The following GNAQ variants were observed in gnomAD, a reference collection of about 807,000 sequenced individuals.
The protein encoded by GNAQ is G protein subunit alpha q.
A neutral mutation model predicts 43.9 loss-of-function variants in GNAQ; 8 were observed. That is an observed-to-expected ratio of 0.18 (90% CI 0.11 to 0.33). The LOEUF (loss-of-function observed/expected upper bound fraction) is 0.33. GNAQ is among the 10% of genes least tolerant of loss of function. GNAQ has a pLI of 1.00. For synonymous variants in GNAQ, 155 were observed against 170.7 expected, an observed-to-expected ratio of 0.91 and a Z score of 0.71; for missense variants, 158 against 450.8, an observed-to-expected ratio of 0.35 and a Z score of 5.88.
intron 5 of GNAQ, among the ~76,000 whole-genome samples, chr9:77,771,984 A>G (rs1157417862): frequency 6.6e-6 from 1 of 152,116 alleles, no homozygotes; most frequent in Non-Finnish European, 1.5e-5. Context: ...CTCTGCATTC[A>G]CCCTTCCGCC....
At chr9:77,911,675 G>A (rs914242135) in intron 2 of GNAQ, among the ~76,000 whole-genome samples, 2 of 152,070 alleles carry the variant, frequency 1.3e-5, no homozygotes, top group Non-Finnish European at 1.5e-5. Flanking sequence ...AAACTCGAAG[G>A]GATTCTGATG....
chr9:77,926,382 A>G (rs1026242580), intron 1 of GNAQ, among the ~76,000 whole-genome samples: 1 of 152,192 alleles, frequency 6.6e-6, no homozygotes, highest in Non-Finnish European at 1.5e-5. Context: ...GAAAACTGTA[A>G]GAGACTTCAC....
At position 77,926,627 on chromosome 9, in the gene GNAQ, A is replaced by G. The variant is rs147971892; in HGVS notation, c.137-4282T>C. 7.0e-3 allele frequency among the ~76,000 whole-genome samples: 1,064 copies of G among 152,302 alleles called. 18 individuals are homozygous for G. The highest frequency in any genetic ancestry group is 0.024 in the African/African-American group (987 of 41,562). On this transcript the variant is annotated intron_variant, in intron 1 of 6. Transcript: ENST00000286548. ...TAAGGATCTCATTTTTGCTAATTTAAATATATCTCCAATCAAGTCATTTAA... is the reference window on the plus strand; with the variant it reads ...TAAGGATCTCATTTTTGCTAATTTAGATATATCTCCAATCAAGTCATTTAA...
At chr9:77,891,210 T>C (rs780096687) in intron 2 of GNAQ, among the ~76,000 whole-genome samples, 1 of 152,166 alleles carries the variant, frequency 6.6e-6, no homozygotes, top group Non-Finnish European at 1.5e-5. Context: ...CTCATACATA[T>C]TCTCATCTAA....
chr9:77,761,209 A>G lies in GNAQ; in HGVS notation c.736-32542T>C, dbSNP rs1267832607. Among the ~76,000 whole-genome samples the G allele has an allele frequency of 3.4e-4, 45 of 130,492 alleles. No individual in the cohort carries two copies. In the Middle Eastern group the frequency reaches 0.018, roughly 53 times the overall value. The allele number at this position is 130,492 out of a possible 152,430, so 85.6% of individuals were successfully genotyped here. A position where few individuals can be genotyped will look rare whatever the true frequency, so the allele number is the denominator to read the frequency against. ...CGGCCAGTGAGGGGCGCCTCTGCCC[A>G]GCTGCCCCTACTGGGAAGTGAGGAG... is the stretch of plus-strand genomic sequence containing the variant. On this transcript the variant is annotated intron_variant, in intron 5 of 6. Coordinates refer to ENST00000286548, the MANE Select transcript of GNAQ (RefSeq NM_002072.5).
At chr9:77,863,710 C>G (rs1486105584) in intron 2 of GNAQ, among the ~76,000 whole-genome samples, 2 of 152,104 alleles carry the variant, frequency 1.3e-5, no homozygotes, top group Non-Finnish European at 2.9e-5. Flanking sequence ...AATGGACTTA[C>G]AGTTCCACGT....
chr9:77,946,588 C>T (rs1248705522), intron 1 of GNAQ, among the ~76,000 whole-genome samples: 3 of 152,148 alleles, frequency 2.0e-5, no homozygotes, highest in African/African-American at 4.8e-5. Flanking sequence ...CCACTGACTG[C>T]TGGAAAAACC....
At chr9:77,848,687 G>T (rs1036619478) in intron 2 of GNAQ, among the ~76,000 whole-genome samples, 20 of 152,214 alleles carry the variant, frequency 1.3e-4, no homozygotes, top group African/African-American at 4.3e-4. Flanking sequence ...CTGAGCCTTT[G>T]CCCTTCTGAG....
At chr9:78,018,946 T>C (rs1823871623) in intron 1 of GNAQ, among the ~76,000 whole-genome samples, 1 of 152,174 alleles carries the variant, frequency 6.6e-6, no homozygotes, top group Non-Finnish European at 1.5e-5. Flanking sequence ...CTCCAGGGGT[T>C]TAGAAACATC....
At chr9:77,984,930 A>T (rs1290332585) in intron 1 of GNAQ, among the ~76,000 whole-genome samples, 1 of 152,206 alleles carries the variant, frequency 6.6e-6, no homozygotes, top group Non-Finnish European at 1.5e-5. Flanking sequence ...ATCAAAATGG[A>T]CTACCATTTG....
intron 2 of GNAQ, among the ~76,000 whole-genome samples, chr9:77,853,049 T>C (rs1827695644): frequency 6.6e-6 from 1 of 152,168 alleles, no homozygotes; most frequent in South Asian, 2.1e-4. Flanking sequence ...TAAAAATGGA[T>C]AGTATTTTAG....
chr9:78,030,470 T>G (rs964378940), intron 1 of GNAQ: 1 of 469,310 alleles, frequency 2.1e-6, no homozygotes, highest in African/African-American at 2.0e-5. Context: ...TCGCCCCCAG[T>G]ACACAGACCC....
rs936906913 is a variant in GNAQ, at chr9:77,796,667, C to G, written c.605+853G>C. Among the ~76,000 whole-genome samples, 3 of 151,994 alleles carry G rather than the reference C, an allele frequency of 2.0e-5. No homozygotes were observed. The East Asian group carries it at 5.8e-4, about 29-fold the overall frequency. ...GTAAATACAGACTAGGTTAATTAAC[C>G]CATTTTCAAAATCATGTATTTCAAA... On this transcript the variant is annotated intron_variant, in intron 4 of 6. Transcript: ENST00000286548.
intron 1 of GNAQ, among the ~76,000 whole-genome samples, chr9:77,955,051 C>T (rs554281338): frequency 1.3e-3 from 191 of 152,322 alleles, no homozygotes; most frequent in African/African-American, 4.4e-3. Flanking sequence ...TTAAGATACA[C>T]GTATGACACA....
intron 4 of GNAQ, 118 bp from the exon 5 acceptor site, chr9:77,794,710 CAAGTCAATTCA>C (rs1826631423): frequency 1.9e-6 from 1 of 537,394 alleles, no homozygotes; most frequent in African/African-American, 1.9e-5. Flanking sequence ...GATGATCATC[CAAGTCAATTCA>C]ATTAATACTT....
chr9:77,963,594 G>A (rs1823131417), intron 1 of GNAQ, among the ~76,000 whole-genome samples: 1 of 152,174 alleles, frequency 6.6e-6, no homozygotes, highest in African/African-American at 2.4e-5. Flanking sequence ...CAAAGCAAAT[G>A]CAGCAGAAGG....
In GNAQ at chr9:77,814,798, A is replaced by G. The variant is rs1385669728; in HGVS notation, c.476+818T>C. Among the ~76,000 whole-genome samples, 2 of 152,172 alleles carry G rather than the reference A, an allele frequency of 1.3e-5. 1 individual carries two copies. Among genetic ancestry groups the G allele is most frequent in the Non-Finnish European group, 2.9e-5 (2 of 68,030 alleles). On this transcript the variant is annotated intron_variant, in intron 3 of 6. Coordinates refer to ENST00000286548, the MANE Select transcript of GNAQ (RefSeq NM_002072.5). Reference sequence around the variant, plus strand: ...TCTTCTGTCTGCCCAGATCCAAAACAAGAGGCAGATGCTGTATTAATATAA... The same window carrying G: ...TCTTCTGTCTGCCCAGATCCAAAACGAGAGGCAGATGCTGTATTAATATAA...
At chr9:77,893,144 G>C (rs1828430811) in intron 2 of GNAQ, among the ~76,000 whole-genome samples, 1 of 152,156 alleles carries the variant, frequency 6.6e-6, no homozygotes, top group Non-Finnish European at 1.5e-5. Flanking sequence ...TGAGACTACT[G>C]GGCTGCATTC....
intron 2 of GNAQ, among the ~76,000 whole-genome samples, chr9:77,893,845 G>C (rs1001982907): frequency 1.3e-5 from 2 of 152,178 alleles, no homozygotes; most frequent in African/African-American, 4.8e-5. Flanking sequence ...TAAGCCATTA[G>C]AGGGTACAGC....
Sources: gnomAD v4.1 joint callset for allele counts (sites outside exome capture counted in the v4.1 genomes callset) on GRCh38, gnomAD v4.1.1 for gene constraint, MANE v1.5 for transcripts, NCBI Gene and HGNC (gene_info 2026-07-23, HGNC 2026-07-21) for gene names.